Variants in BCAM observed in about 807,000 individuals in gnomAD.
BCAM encodes the protein basal cell adhesion molecule.
In BCAM, 61 loss-of-function variants were observed where a neutral mutation model predicts 72.4. The observed-to-expected ratio is 0.84, with a 90% CI of 0.69 to 1.04. The LOEUF is 1.04. Ranked by LOEUF, BCAM falls within the 50% of genes least tolerant of loss-of-function variation. BCAM has a pLI of 0.00. For missense variants in BCAM, 909 were observed against 895.0 expected (o/e 1.02, Z -0.20); for synonymous variants, 408 against 384.2 (o/e 1.06, Z -0.73).
chr19:44,819,156 A>G lies in BCAM; in HGVS notation c.1437A>G (p.Pro479=), dbSNP rs200819551. Residue 479 remains proline, a synonymous_variant, in exon 11 of 15, where the codon CCA becomes CCG. Coordinates refer to ENST00000270233, the MANE Select transcript of BCAM (RefSeq NM_005581.5). The part of the protein sequence containing the change: ...VTLICSARGH[P]DPKLSWSQLG... Reference sequence around the variant, plus strand: ...TCATCTGCTCTGCCCGCGGCCATCCAGACCCCAAACTCAGCTGGAGCCAAT... The same window carrying G: ...TCATCTGCTCTGCCCGCGGCCATCCGGACCCCAAACTCAGCTGGAGCCAAT... 45 of 1,613,982 alleles carry G rather than the reference A, an allele frequency of 2.8e-5. No homozygotes were observed. The highest frequency in any genetic ancestry group is 1.6e-4 in the Middle Eastern group (1 of 6,082).
In BCAM at chr19:44,812,051, T is replaced by C; in HGVS notation, c.205-112T>C. The C allele has an allele frequency of 9.6e-7, 1 of 1,046,686 alleles. No homozygotes were observed. The highest frequency in any genetic ancestry group is 1.4e-6 in the Non-Finnish European group (1 of 721,840). 64.8% of individuals were successfully genotyped at this position (1,046,686 alleles called of 1,614,324 possible). On this transcript the variant is annotated intron_variant, in intron 2 of 14. Transcript: ENST00000270233. The surrounding 1 kb of genome is among the most constrained non-coding windows in gnomAD (Gnocchi z 5.3). Reference sequence around the variant, plus strand: ...GGGACAGAGGGACCAGGGAGACCCATAACAAGAGGAAAAGAGGCAGAGCCA... The same window carrying C: ...GGGACAGAGGGACCAGGGAGACCCACAACAAGAGGAAAAGAGGCAGAGCCA...
chr19:44,816,736 C>T (rs1265595255), intron 8 of BCAM, among the ~76,000 whole-genome samples: 19 of 149,416 alleles, frequency 1.3e-4, no homozygotes, highest in Admixed American at 1.2e-3. Flanking sequence ...GTCAGGAGTT[C>T]GAGACCAGCC....
In BCAM at chr19:44,818,659, T is replaced by G. The variant is rs1179773539; in HGVS notation, c.1194+22T>G. The G allele has an allele frequency of 1.2e-6, 2 of 1,612,380 alleles. No homozygotes were observed. The highest frequency in any genetic ancestry group is 2.2e-5 in the South Asian group (2 of 91,012). Reference sequence around the variant, plus strand: ...CAAGGTGAGAGGGAGAGGAGCCCCCTCGGGCCCTGCACTCGCACCCTCCTC... The same window carrying G: ...CAAGGTGAGAGGGAGAGGAGCCCCCGCGGGCCCTGCACTCGCACCCTCCTC... On this transcript the variant is annotated intron_variant, in intron 9 of 14. Coordinates refer to ENST00000270233, the MANE Select transcript of BCAM (RefSeq NM_005581.5). This position sits in a 1 kb window ranked among gnomAD's most constrained non-coding sequence, Gnocchi z 4.6.
At chr19:44,820,026 T>G in intron 13 of BCAM, 5 of 1,257,480 alleles carry the variant, frequency 4.0e-6, no homozygotes, top group Non-Finnish European at 4.0e-6. Context: ...TCACCTCTCC[T>G]GCCCCTAGCT....
rs554192287 is a variant in BCAM, at chr19:44,820,751, G to A, written c.1810G>A (p.Glu604Lys). ...GAGCCACTCGGGGTCGGAGCAACCAGAGCAGACCGGCCTTCTCATGGGAGG... is the reference window on the plus strand; with the variant it reads ...GAGCCACTCGGGGTCGGAGCAACCAAAGCAGACCGGCCTTCTCATGGGAGG... ...GLSHSGSEQP[E>K]QTGLLMGGAS... Residue 604 changes from glutamate to lysine, a missense_variant, in exon 14 of 15, where the codon GAG (glutamate) becomes AAG (lysine). Glu to Lys is a moderately conservative substitution (Grantham distance 56, BLOSUM62 1). Transcript: ENST00000270233. The A allele has an allele frequency of 1.9e-5, 28 of 1,497,310 alleles. No individual in the cohort carries two copies. The highest frequency in any genetic ancestry group is 2.2e-5 in the Non-Finnish European group (25 of 1,118,834). 92.8% of individuals were successfully genotyped at this position (1,497,310 alleles called of 1,614,324 possible). A position where few individuals can be genotyped will look rare whatever the true frequency, so the allele number is the denominator to read the frequency against.
At chr19:44,816,353 G>A (rs906812992) in intron 8 of BCAM, among the ~76,000 whole-genome samples, 2 of 152,174 alleles carry the variant, frequency 1.3e-5, no homozygotes, top group Admixed American at 6.5e-5. Flanking sequence ...TCAGCCCCAC[G>A]GGGTACTTGG....
Position 44,819,414 on chromosome 19 carries a change from C to G in BCAM, c.1542C>G (p.Ala514=). 1 of 1,614,074 alleles carries G rather than the reference C, an allele frequency of 6.2e-7. No homozygotes were observed. The highest frequency in any genetic ancestry group is 1.1e-5 in the South Asian group (1 of 91,086). ...SSSLTLKVTS[A]LSRDGISCEA... ...CTCTGACCCTGAAAGTGACCAGCGC[C>G]CTGAGCCGCGATGGCATCTCCTGTG... Residue 514 remains alanine (A), a synonymous_variant, in exon 12 of 15, where the codon GCC becomes GCG. Coordinates refer to ENST00000270233, the MANE Select transcript of BCAM (RefSeq NM_005581.5).
At position 44,819,653 on chromosome 19, in the gene BCAM, G is replaced by A. The variant is rs147414755; in HGVS notation, c.1690G>A (p.Val564Ile). The change falls in exon 13 of 15, where the codon GTC becomes ATC. Residue 564 changes from valine to isoleucine, a missense_variant. Transcript: ENST00000270233. Reference protein sequence around the residue: ...VAVSVGLLLLVVAVFYCVRRK... With the variant: ...VAVSVGLLLLIVAVFYCVRRK... ...CGTCAGCGTGGGCCTCCTGCTCCTC[G>A]TCGTTGCTGTCTTCTACTGCGTGAG... 5.8e-5 allele frequency: 94 copies of A among 1,613,464 alleles called. No homozygotes were observed. Among genetic ancestry groups the A allele is most frequent in the South Asian group, 3.1e-4 (28 of 91,058 alleles).
In BCAM at chr19:44,818,484, G is replaced by T. The variant is rs1364219439; in HGVS notation, c.1079-38G>T. On this transcript the variant is annotated intron_variant, in intron 8 of 14. Transcript: ENST00000270233. This position sits in a 1 kb window ranked among gnomAD's most constrained non-coding sequence, Gnocchi z 4.6. ...TGGAGAGCCCCTAATTGAGTGGGTG[G>T]CGGTCTGGGACGAGTGACAGACTGT... The T allele has an allele frequency of 3.2e-6, 5 of 1,578,200 alleles. No homozygotes were observed. The highest frequency in any genetic ancestry group is 1.8e-4 in the Middle Eastern group (1 of 5,494).
At position 44,814,910 on chromosome 19, in the gene BCAM, T is replaced by G. The variant is rs1033017912; in HGVS notation, c.1078+150T>G. 37 of 610,228 alleles carry G rather than the reference T, an allele frequency of 6.1e-5. No individual in the cohort carries two copies. The highest frequency in any genetic ancestry group is 1.9e-4 in the African/African-American group (9 of 48,008). 37.8% of individuals were successfully genotyped at this position (610,228 alleles called of 1,614,324 possible). A position where few individuals can be genotyped will look rare whatever the true frequency, so the allele number is the denominator to read the frequency against. On this transcript the variant is annotated intron_variant, in intron 8 of 14. Transcript: ENST00000270233. This position sits in a 1 kb window ranked among gnomAD's most constrained non-coding sequence, Gnocchi z 4.6. ...ATTTCTTGGGGGTTTTTTTGGTTGT[T>G]TTTTTTTTTTTTTTTTTCCCAGAGA...
intron 1 of BCAM, 116 bp downstream of exon 1, chr19:44,809,322 G>A: frequency 1.2e-6 from 1 of 857,572 alleles, no homozygotes; most frequent in Non-Finnish European, 1.6e-6. Context: ...GGACCCCAAG[G>A]AGGAGGGATA....
At chr19:44,810,679 G>A (rs1968406244) in intron 1 of BCAM, among the ~76,000 whole-genome samples, 1 of 152,214 alleles carries the variant, frequency 6.6e-6, no homozygotes, top group Non-Finnish European at 1.5e-5. Context: ...CAGGGTGCTG[G>A]AGGCAAATGG....
chr19:44,810,673 G>T (rs1968406217), intron 1 of BCAM, among the ~76,000 whole-genome samples: 1 of 152,214 alleles, frequency 6.6e-6, no homozygotes, highest in South Asian at 2.1e-4. Flanking sequence ...CCTGCCCAGG[G>T]TGCTGGAGGC....
At chr19:44,816,146 C>T (rs1409502186) in intron 8 of BCAM, among the ~76,000 whole-genome samples, 1 of 152,068 alleles carries the variant, frequency 6.6e-6, no homozygotes, top group Admixed American at 6.6e-5. Flanking sequence ...AGTGAAACCC[C>T]CTCTGTACTA....
Position 44,821,045 on chromosome 19 carries a change from C to T in BCAM, c.*124C>T, listed in dbSNP as rs2122573868. On this transcript the variant is annotated 3_prime_UTR_variant, in exon 15 of 15. Transcript: ENST00000270233. Reference sequence around the variant, plus strand: ...TCTTCCCTCTCCCTGCCCAGCCCTCCCTTCCTTCCTCTGCCGGCAAGGCAG... The same window carrying T: ...TCTTCCCTCTCCCTGCCCAGCCCTCTCTTCCTTCCTCTGCCGGCAAGGCAG... 1 of 1,279,670 alleles carries T rather than the reference C, an allele frequency of 7.8e-7. No individual in the cohort carries two copies. Among genetic ancestry groups the T allele is most frequent in the South Asian group, 1.9e-5 (1 of 51,526 alleles). The allele number at this position is 1,279,670 out of a possible 1,614,324, so 79.3% of individuals were successfully genotyped here.
chr19:44,812,213 C>A lies in BCAM; in HGVS notation c.255C>A (p.Gly85=). Residue 85 remains glycine (G), a synonymous_variant, in exon 3 of 15, where the codon GGC becomes GGA. Transcript: ENST00000270233. The surrounding 1 kb of genome is among the most constrained non-coding windows in gnomAD (Gnocchi z 5.3). ...RPRLASAEMQ[G]SELQVTMHDT... ...GCCTAGCCTCGGCTGAGATGCAGGG[C>A]TCTGAGCTCCAGGTCACAATGCACG... 1 of 1,607,116 alleles carries A rather than the reference C, an allele frequency of 6.2e-7. No individual in the cohort carries two copies. The highest frequency in any genetic ancestry group is 8.5e-7 in the Non-Finnish European group (1 of 1,178,162).
At position 44,812,646 on chromosome 19, in the gene BCAM, G is replaced by C; in HGVS notation, c.504+98G>C. 1 of 1,421,106 alleles carries C rather than the reference G, an allele frequency of 7.0e-7. No individual in the cohort carries two copies. Among genetic ancestry groups the C allele is most frequent in the South Asian group, 1.3e-5 (1 of 78,322 alleles). 88.0% of individuals were successfully genotyped at this position (1,421,106 alleles called of 1,614,324 possible). On this transcript the variant is annotated intron_variant, in intron 4 of 14. Transcript: ENST00000270233. This position sits in a 1 kb window ranked among gnomAD's most constrained non-coding sequence, Gnocchi z 5.3. ...AGGGAGGAGGGGCTGGGGACCCCTG[G>C]GTAATAAAGGAGGAGGGGTAAGGCC...
rs759453985 is a variant in BCAM, at chr19:44,818,816, T to A, written c.1270T>A (p.Cys424Ser). The A allele has an allele frequency of 6.2e-7, 1 of 1,614,068 alleles. No individual in the cohort carries two copies. The highest frequency in any genetic ancestry group is 1.3e-5 in the African/African-American group (1 of 75,034). The change falls in exon 10 of 15, where the codon TGT becomes AGT. Residue 424 changes from cysteine to serine, a missense_variant. By Grantham distance (112) the Cys-to-Ser change is moderately radical (BLOSUM62 -1). Transcript: ENST00000270233. The surrounding 1 kb of genome is among the most constrained non-coding windows in gnomAD (Gnocchi z 4.6). ...CTTCGATTCCAATGGCACCTACGTA[T>A]GTGAGGCCTCCCTGCCCACAGTCCC... Reference protein sequence around the residue: ...ITFDSNGTYVCEASLPTVPVL... With the variant: ...ITFDSNGTYVSEASLPTVPVL...
At chr19:44,811,116 G>T in intron 1 of BCAM, 109 bp from the exon 2 acceptor site, 3 of 1,542,074 alleles carry the variant, frequency 1.9e-6, no homozygotes, top group Non-Finnish European at 2.6e-6. Flanking sequence ...CTGGGTCTGA[G>T]GGAGGAGGGG....
Sources: allele counts gnomAD v4.1 joint callset (sites outside exome capture counted in the v4.1 genomes callset), GRCh38; gene constraint gnomAD v4.1.1; non-coding constraint Gnocchi (gnomAD v3.1); transcripts MANE v1.5; gene names NCBI Gene and HGNC (gene_info 2026-07-23, HGNC 2026-07-21).